The following DAGLA variants were observed in gnomAD, a reference collection of about 807,000 sequenced individuals.
DAGLA encodes diacylglycerol lipase alpha.
DAGLA carries 22 observed loss-of-function variants against 102.6 expected under a neutral mutation model. That is an observed-to-expected ratio of 0.21 (90% confidence interval 0.15 to 0.31). The LOEUF is 0.31. DAGLA is among the 10% of genes least tolerant of loss of function. The probability of loss-of-function intolerance (pLI) is 1.00; values close to 1 mark genes in which losing one functional copy is unlikely to be tolerated. For missense variants in DAGLA, 927 were observed against 1,446.6 expected (o/e 0.64, Z 5.83); for synonymous variants, 578 against 628.9 (o/e 0.92, Z 1.21).
intron 16 of DAGLA, 84 bp from the exon 17 acceptor site, chr11:61,739,381 C>A: frequency 7.5e-7 from 1 of 1,336,036 alleles, no homozygotes; most frequent in Non-Finnish European, 1.0e-6. Flanking sequence ...ACCTGCTGAG[C>A]CCCCCTTCTC....
At chr11:61,727,128 A>T (rs1031396658) in intron 6 of DAGLA, among the ~76,000 whole-genome samples, 1 of 152,244 alleles carries the variant, frequency 6.6e-6, no homozygotes, top group Non-Finnish European at 1.5e-5. Context: ...GTCCTGTTAG[A>T]CACTGATGGC....
chr11:61,703,609 G>A (rs1369516352), intron 1 of DAGLA, among the ~76,000 whole-genome samples: 3 of 152,166 alleles, frequency 2.0e-5, no homozygotes, highest in Admixed American at 2.0e-4. Flanking sequence ...AAGAGGGAGA[G>A]GGCTTTCTAA....
chr11:61,703,772 C>G (rs773325196), intron 1 of DAGLA, among the ~76,000 whole-genome samples: 1 of 152,114 alleles, frequency 6.6e-6, no homozygotes, highest in Non-Finnish European at 1.5e-5. Context: ...TCATGAGGGT[C>G]ATAGGCAACA....
intron 1 of DAGLA, among the ~76,000 whole-genome samples, chr11:61,716,713 T>C (rs1432548571): frequency 6.6e-6 from 1 of 152,168 alleles, no homozygotes; most frequent in Non-Finnish European, 1.5e-5. Flanking sequence ...CTGCAGGCCA[T>C]GGGGAGCCAG....
intron 15 of DAGLA, 135 bp downstream of exon 15, chr11:61,737,890 CT>C: frequency 1.2e-6 from 1 of 827,730 alleles, no homozygotes; most frequent in Non-Finnish European, 2.0e-6. Flanking sequence ...CCTCCCCACC[CT>C]TAGTTGCCCA....
chr11:61,744,920 C>T lies in DAGLA; in HGVS notation c.*431C>T, dbSNP rs1014739601. 16 of 171,566 alleles carry T rather than the reference C, an allele frequency of 9.3e-5. No individual in the cohort carries two copies. Among genetic ancestry groups the T allele is most frequent in the Middle Eastern group, 2.6e-3 (1 of 378 alleles). The allele number at this position is 171,566 out of a possible 1,614,324, so 10.6% of individuals were successfully genotyped here. A position where few individuals can be genotyped will look rare whatever the true frequency, so the allele number is the denominator to read the frequency against. On this transcript the variant is annotated 3_prime_UTR_variant, in exon 20 of 20. Coordinates refer to ENST00000257215, the MANE Select transcript of DAGLA (RefSeq NM_006133.3). ...ATGTATTCTCATCTGTGGTCCAGGC[C>T]GGCATCGTCCTGGCCACCCCCCAGA...
chr11:61,740,193 C>G (rs990094698), intron 17 of DAGLA, among the ~76,000 whole-genome samples: 2 of 152,184 alleles, frequency 1.3e-5, no homozygotes, highest in Non-Finnish European at 2.9e-5. Flanking sequence ...TGAGCTGGGC[C>G]GTGCAGCAGG....
In DAGLA at chr11:61,744,539, T is replaced by C. The variant is rs942698841; in HGVS notation, c.*50T>C. On this transcript the variant is annotated 3_prime_UTR_variant, in exon 20 of 20. Coordinates refer to ENST00000257215, the MANE Select transcript of DAGLA (RefSeq NM_006133.3). ...GCCCAGGCAGGAGCAGGTGGCCCTG[T>C]GGGCACCTGGTGCCTGCCCCCTGCC... is the stretch of plus-strand genomic sequence containing the variant. 6 of 1,458,372 alleles carry C rather than the reference T, an allele frequency of 4.1e-6. No homozygotes were observed. Among genetic ancestry groups the C allele is most frequent in the Non-Finnish European group, 5.5e-6 (6 of 1,084,930 alleles). 90.3% of individuals were successfully genotyped at this position (1,458,372 alleles called of 1,614,324 possible).
At chr11:61,696,407 G>A (rs1444812769) in intron 1 of DAGLA, among the ~76,000 whole-genome samples, 1 of 152,136 alleles carries the variant, frequency 6.6e-6, no homozygotes, top group South Asian at 2.1e-4. Flanking sequence ...CGTCCGTCAA[G>A]GACACCACCC....
intron 8 of DAGLA, 51 bp downstream of exon 8, chr11:61,729,059 T>C (rs927836021): frequency 1.3e-6 from 2 of 1,506,228 alleles, no homozygotes; most frequent in African/African-American, 2.8e-5. Context: ...CCTCCCACTC[T>C]GCCACAATGA....
chr11:61,684,736 G>T lies in DAGLA; in HGVS notation c.-45+4232G>T, dbSNP rs1165809599. 6.6e-6 allele frequency among the ~76,000 whole-genome samples: 1 copy of T among 152,134 alleles called. No homozygotes were observed. The highest frequency in any genetic ancestry group is 1.5e-5 in the Non-Finnish European group (1 of 68,038). On this transcript the variant is annotated intron_variant, in intron 1 of 19. Coordinates refer to ENST00000257215, the MANE Select transcript of DAGLA (RefSeq NM_006133.3). This position sits in a 1 kb window ranked among gnomAD's most constrained non-coding sequence, Gnocchi z 4.5. Reference sequence around the variant, plus strand: ...CCATAAGTGTTTCTGTGGGAAGTGAGGGCGGAGGGGGTGTGGAGCGCCTGG... The same window carrying T: ...CCATAAGTGTTTCTGTGGGAAGTGATGGCGGAGGGGGTGTGGAGCGCCTGG...
intron 15 of DAGLA, 146 bp from the exon 16 acceptor site, chr11:61,737,989 T>G (rs2065440041): frequency 1.4e-6 from 1 of 712,554 alleles, no homozygotes; most frequent in African/African-American, 1.8e-5. Flanking sequence ...AGCTGCTCTG[T>G]GGACACCTCT....
intron 1 of DAGLA, among the ~76,000 whole-genome samples, chr11:61,708,577 G>C (rs924581200): frequency 7.9e-5 from 12 of 151,420 alleles, no homozygotes; most frequent in Non-Finnish European, 1.3e-4. Flanking sequence ...TAGAGATGGG[G>C]TTTCACCGTG....
At chr11:61,741,015 G>A (rs2065473933) in intron 18 of DAGLA, 147 bp from the exon 19 acceptor site, 2 of 719,554 alleles carry the variant, frequency 2.8e-6, no homozygotes, top group East Asian at 2.7e-5. Context: ...CTTGGGGAGT[G>A]GTGACCTCAG....
chr11:61,711,223 G>A (rs1341060453), intron 1 of DAGLA, among the ~76,000 whole-genome samples: 2 of 152,192 alleles, frequency 1.3e-5, no homozygotes, highest in Non-Finnish European at 2.9e-5. Context: ...CCAGTGTGGG[G>A]CGGTGTCGGC....
chr11:61,743,741 C>T lies in DAGLA; in HGVS notation c.2381C>T (p.Ser794Leu), dbSNP rs1212819212. 4 of 1,611,872 alleles carry T rather than the reference C, an allele frequency of 2.5e-6. No individual in the cohort carries two copies. Among genetic ancestry groups the T allele is most frequent in the Non-Finnish European group, 3.4e-6 (4 of 1,179,776 alleles). ...SDTESLYSFDSRRSSGFRSIR... is the reference protein window; with the variant it reads ...SDTESLYSFDLRRSSGFRSIR... ...ACTGAGTCCCTGTACAGCTTCGACT[C>T]GCGCCGCTCCTCAGGCTTCCGCAGC... Residue 794 changes from serine (S) to leucine (L), a missense_variant, in exon 20 of 20, where the codon TCG (serine) becomes TTG (leucine). By Grantham distance (145) the Ser-to-Leu change is moderately radical. Transcript: ENST00000257215.
At chr11:61,697,057 A>G (rs1420951198) in intron 1 of DAGLA, among the ~76,000 whole-genome samples, 2 of 152,166 alleles carry the variant, frequency 1.3e-5, no homozygotes, top group African/African-American at 2.4e-5. Flanking sequence ...ACAGGGCGAC[A>G]TTCAGGACCC....
chr11:61,702,937 C>G, intron 1 of DAGLA, among the ~76,000 whole-genome samples: 1 of 152,228 alleles, frequency 6.6e-6, no homozygotes, highest in Non-Finnish European at 1.5e-5. Context: ...CTGCCTCGCC[C>G]ACAGCGTGGT....
At chr11:61,697,517 T>TG (rs2065076617) in intron 1 of DAGLA, among the ~76,000 whole-genome samples, 1 of 152,070 alleles carries the variant, frequency 6.6e-6, no homozygotes, top group Non-Finnish European at 1.5e-5. Flanking sequence ...GCCTGGGCTG[T>TG]GGGGCAGGGT....
Sources: allele counts gnomAD v4.1 joint callset (sites outside exome capture counted in the v4.1 genomes callset), GRCh38; gene constraint gnomAD v4.1.1; non-coding constraint Gnocchi (gnomAD v3.1); transcripts MANE v1.5; gene names NCBI Gene and HGNC (gene_info 2026-07-23, HGNC 2026-07-21).